Variants in KDM4B observed in about 807,000 individuals in gnomAD.
The protein encoded by KDM4B is lysine demethylase 4B.
In KDM4B, 32 loss-of-function variants were observed where a neutral mutation model predicts 125.2. That is an observed-to-expected ratio of 0.26 (90% confidence interval 0.19 to 0.34). The LOEUF (loss-of-function observed/expected upper bound fraction) is 0.34, where lower values mean the gene tolerates loss of function less well. Among genes scored for constraint, KDM4B ranks in the 10% least tolerant of loss-of-function variants. The pLI is 1.00. For missense variants in KDM4B, 1,190 were observed against 1,577.7 expected, an observed-to-expected ratio of 0.75 and a Z score of 4.16; for synonymous variants, 721 against 677.9, an observed-to-expected ratio of 1.06 and a Z score of -0.99.
At chr19:4,983,566 T>C (rs1289230330) in intron 1 of KDM4B, among the ~76,000 whole-genome samples, 2 of 152,178 alleles carry the variant, frequency 1.3e-5, no homozygotes, top group African/African-American at 4.8e-5. Flanking sequence ...CAAGGGGTCC[T>C]GGCGGCCCAG....
At chr19:5,122,552 A>G (rs2039380021) in intron 11 of KDM4B, among the ~76,000 whole-genome samples, 1 of 152,266 alleles carries the variant, frequency 6.6e-6, no homozygotes, top group South Asian at 2.1e-4. Context: ...ATTGTTTATT[A>G]AAAAGCACAA....
intron 6 of KDM4B, among the ~76,000 whole-genome samples, chr19:5,049,381 A>AG (rs1220876787): frequency 6.6e-6 from 1 of 151,862 alleles, no homozygotes; most frequent in Non-Finnish European, 1.5e-5. Flanking sequence ...GAGATGGCTC[A>AG]GGGGAGACAG....
intron 7 of KDM4B, chr19:5,074,743 C>T (rs560839971): frequency 6.6e-6 from 1 of 152,532 alleles, no homozygotes; most frequent in African/African-American, 2.4e-5. Flanking sequence ...TGGCCCCGCT[C>T]TCCCGCCTCC....
chr19:5,082,029 A>T lies in KDM4B; in HGVS notation c.781-338A>T, dbSNP rs1251371624. 6.6e-6 allele frequency among the ~76,000 whole-genome samples: 1 copy of T among 152,108 alleles called. No homozygotes were observed. The highest frequency in any genetic ancestry group is 1.5e-5 in the Non-Finnish European group (1 of 67,998). ...TCCGGCTGGAGACACCCCCACGGGC[A>T]TTGTGTCCAGCCACGGCTCCATCTG... is the stretch of plus-strand genomic sequence containing the variant. On this transcript the variant is annotated intron_variant, in intron 8 of 22. Coordinates refer to ENST00000159111, the MANE Select transcript of KDM4B (RefSeq NM_015015.3). This position sits in a 1 kb window ranked among gnomAD's most constrained non-coding sequence, Gnocchi z 5.4.
At chr19:5,087,665 C>A (rs1057105064) in intron 9 of KDM4B, among the ~76,000 whole-genome samples, 11 of 152,226 alleles carry the variant, frequency 7.2e-5, no homozygotes, top group Non-Finnish European at 1.2e-4. Flanking sequence ...GCTGAGGGCC[C>A]CCATCTCTGA....
intron 3 of KDM4B, among the ~76,000 whole-genome samples, chr19:5,034,598 G>C (rs751994244): frequency 3.3e-5 from 5 of 152,166 alleles, no homozygotes; most frequent in East Asian, 3.8e-4. Flanking sequence ...GGGCTGATTC[G>C]GCCCGAGGGC....
chr19:5,102,971 G>GGA (rs1247133871), intron 9 of KDM4B, among the ~76,000 whole-genome samples: 2 of 152,226 alleles, frequency 1.3e-5, no homozygotes, highest in Non-Finnish European at 2.9e-5. Context: ...AGTGCAAGGT[G>GGA]GAGCCATAGT....
intron 11 of KDM4B, 39 bp downstream of exon 11, chr19:5,119,891 C>T: frequency 7.1e-6 from 11 of 1,540,440 alleles, no homozygotes; most frequent in Non-Finnish European, 9.6e-6. Context: ...CCGCTGTTTT[C>T]CCACCCCCGT....
At chr19:5,121,289 G>A (rs1292780207) in intron 11 of KDM4B, among the ~76,000 whole-genome samples, 1 of 152,188 alleles carries the variant, frequency 6.6e-6, no homozygotes, top group African/African-American at 2.4e-5. Flanking sequence ...CACTTACTCG[G>A]TGGGGTACGT....
chr19:5,019,064 A>G (rs1227813145), intron 2 of KDM4B, among the ~76,000 whole-genome samples: 12 of 73,176 alleles, frequency 1.6e-4, no homozygotes, highest in African/African-American at 3.3e-4. Flanking sequence ...GTTGGTGTGG[A>G]CGTTGGTGTG....
At chr19:4,999,707 A>G (rs2145421278) in intron 1 of KDM4B, among the ~76,000 whole-genome samples, 1 of 151,420 alleles carries the variant, frequency 6.6e-6, no homozygotes, top group East Asian at 2.0e-4. Context: ...TCACCTATCC[A>G]TCTATCCACC....
chr19:5,144,982 T>TG, intron 21 of KDM4B, 80 bp downstream of exon 21: 1 of 1,576,878 alleles, frequency 6.3e-7, no homozygotes, highest in African/African-American at 1.4e-5. Flanking sequence ...ATCACACCCC[T>TG]GGCCCAGGTG....
chr19:5,132,488 A>G (rs1384197908), intron 13 of KDM4B, among the ~76,000 whole-genome samples: 1 of 152,120 alleles, frequency 6.6e-6, no homozygotes, highest in African/African-American at 2.4e-5. Context: ...GGATGCATGT[A>G]GAATCTGAAA....
At chr19:5,119,243 TGTC>T in intron 10 of KDM4B, 2 of 1,445,732 alleles carry the variant, frequency 1.4e-6, no homozygotes, top group South Asian at 1.2e-5. Context: ...TCGTTCCGTT[TGTC>T]GTCTAGGCAT....
chr19:5,024,767 G>A (rs2036227908), intron 2 of KDM4B, among the ~76,000 whole-genome samples: 1 of 152,094 alleles, frequency 6.6e-6, no homozygotes, highest in South Asian at 2.1e-4. Flanking sequence ...TGACCAACAT[G>A]GTGAAACCTC....
At chr19:5,055,707 A>G (rs1304460879) in intron 6 of KDM4B, among the ~76,000 whole-genome samples, 1 of 152,214 alleles carries the variant, frequency 6.6e-6, no homozygotes, top group Admixed American at 6.5e-5. Context: ...AGTGTCCTGC[A>G]GGTCCCTCTT....
Position 5,114,188 on chromosome 19 carries a change from A to G in KDM4B, c.1115+3370A>G, listed in dbSNP as rs1458357394. On this transcript the variant is annotated intron_variant, in intron 10 of 22. Coordinates refer to ENST00000159111, the MANE Select transcript of KDM4B (RefSeq NM_015015.3). This position sits in a 1 kb window ranked among gnomAD's most constrained non-coding sequence, Gnocchi z 5.8. ...ACGCTCCTCCATGCAAACTCTTTCC[A>G]CGCGAGAAGCGCCATGTGCACGTGC... 3.1e-6 allele frequency: 4 copies of G among 1,289,546 alleles called. 1 individual carries two copies. Among genetic ancestry groups the G allele is most frequent in the Non-Finnish European group, 1.0e-6 (1 of 988,808 alleles). The allele number at this position is 1,289,546 out of a possible 1,614,324, so 79.9% of individuals were successfully genotyped here.
At chr19:5,089,540 T>C (rs574803542) in intron 9 of KDM4B, among the ~76,000 whole-genome samples, 2 of 152,300 alleles carry the variant, frequency 1.3e-5, no homozygotes, top group Non-Finnish European at 2.9e-5. Flanking sequence ...GGCTGTGGAC[T>C]GGGACTCTTG....
chr19:5,136,017 G>T (rs948465176), intron 15 of KDM4B, among the ~76,000 whole-genome samples: 2 of 152,212 alleles, frequency 1.3e-5, no homozygotes, highest in African/African-American at 2.4e-5. Flanking sequence ...CCGTCTCTCC[G>T]CAGGCTGTGT....
Sources: allele counts gnomAD v4.1 joint callset (sites outside exome capture counted in the v4.1 genomes callset), GRCh38; gene constraint gnomAD v4.1.1; non-coding constraint Gnocchi (gnomAD v3.1); transcripts MANE v1.5; gene names NCBI Gene and HGNC (gene_info 2026-07-23, HGNC 2026-07-21).